Variants in TNFSF4 observed in about 807,000 individuals in gnomAD.
TNFSF4 encodes the protein TNF superfamily member 4, also known as tumor necrosis factor ligand superfamily member 4.
TNFSF4 carries 4 observed loss-of-function variants against 7.3 expected under a neutral mutation model. The ratio of observed to expected loss-of-function variants is 0.55; its 90% CI spans 0.27 to 1.25. The LOEUF is 1.25. TNFSF4 is among the 50% of genes most tolerant of loss of function. TNFSF4 has a pLI of 0.12. For missense variants in TNFSF4, 181 were observed against 208.8 expected (o/e 0.87, Z 0.82); for synonymous variants, 76 against 83.7 (o/e 0.91, Z 0.50).
At chr1:173,215,265 C>A in the TNFSF4 span, among the ~76,000 whole-genome samples, 1 of 152,196 alleles carries the variant, frequency 6.6e-6, no homozygotes, top group East Asian at 1.9e-4. Context: ...GCCTCCAGAA[C>A]TGTGAGAAAA....
the TNFSF4 span, among the ~76,000 whole-genome samples, chr1:173,253,080 A>G: frequency 6.6e-6 from 1 of 152,038 alleles, no homozygotes; most frequent in East Asian, 1.9e-4. Context: ...TTTTTGGCTG[A>G]CCCTTCAATT....
At chr1:173,398,433 TTC>T in the TNFSF4 span, among the ~76,000 whole-genome samples, 6 of 121,108 alleles carry the variant, frequency 5.0e-5, no homozygotes, top group East Asian at 1.3e-3. Flanking sequence ...TTTTTTTTTG[TTC>T]TCTTTTTGAG....
the TNFSF4 span, among the ~76,000 whole-genome samples, chr1:173,450,362 G>C: frequency 6.6e-6 from 1 of 152,038 alleles, no homozygotes; most frequent in Non-Finnish European, 1.5e-5. Context: ...CATTGTGGAA[G>C]AAATAATAAT....
chr1:173,266,104 G>A, the TNFSF4 span, among the ~76,000 whole-genome samples: 1 of 152,166 alleles, frequency 6.6e-6, no homozygotes, highest in Non-Finnish European at 1.5e-5. Context: ...TGTAAAGAGT[G>A]TGCAAGAGTA....
the TNFSF4 span, among the ~76,000 whole-genome samples, chr1:173,319,407 G>A: frequency 6.6e-6 from 1 of 152,196 alleles, no homozygotes; most frequent in Non-Finnish European, 1.5e-5. Context: ...GTGGCTGTGG[G>A]CACAGCTTCA....
chr1:173,429,394 T>A, the TNFSF4 span, among the ~76,000 whole-genome samples: 2 of 152,278 alleles, frequency 1.3e-5, no homozygotes, highest in Non-Finnish European at 2.9e-5. Context: ...CCAGAATTCT[T>A]GTAGCATCTG....
At chr1:173,293,520 A>G in the TNFSF4 span, among the ~76,000 whole-genome samples, 1 of 152,170 alleles carries the variant, frequency 6.6e-6, no homozygotes, top group African/African-American at 2.4e-5. Flanking sequence ...AAATCCTAGA[A>G]GAAAACCTAG....
At chr1:173,418,802 A>G in the TNFSF4 span, among the ~76,000 whole-genome samples, 3 of 152,154 alleles carry the variant, frequency 2.0e-5, no homozygotes, top group Admixed American at 1.3e-4. Context: ...TTACATGTAA[A>G]CAGAGATCCC....
the TNFSF4 span, among the ~76,000 whole-genome samples, chr1:173,272,706 C>G: frequency 3.9e-5 from 6 of 152,218 alleles, no homozygotes; most frequent in South Asian, 1.2e-3. Context: ...GCAAAATACC[C>G]TGAGTGTTCC....
At chr1:173,256,782 C>T in the TNFSF4 span, among the ~76,000 whole-genome samples, 3 of 152,316 alleles carry the variant, frequency 2.0e-5, no homozygotes, top group African/African-American at 7.2e-5. Context: ...TTGGGGAAGA[C>T]CCTTGAAGTG....
chr1:173,256,344 C>T, the TNFSF4 span, among the ~76,000 whole-genome samples: 1 of 152,134 alleles, frequency 6.6e-6, no homozygotes, highest in Admixed American at 6.5e-5. Context: ...TTCCAGGGCC[C>T]TCTTCCTGGC....
the TNFSF4 span, among the ~76,000 whole-genome samples, chr1:173,295,431 G>A: frequency 2.6e-5 from 4 of 152,004 alleles, no homozygotes; most frequent in African/African-American, 9.7e-5. Flanking sequence ...TCAAAGAAGT[G>A]CCCCAGGATC....
At chr1:173,267,486 T>C in the TNFSF4 span, among the ~76,000 whole-genome samples, 2 of 152,194 alleles carry the variant, frequency 1.3e-5, no homozygotes, top group East Asian at 1.9e-4. Context: ...GTATGTGTGA[T>C]AGTAATTACC....
the TNFSF4 span, among the ~76,000 whole-genome samples, chr1:173,391,065 G>T: frequency 6.6e-6 from 1 of 151,882 alleles, no homozygotes; most frequent in African/African-American, 2.4e-5. Flanking sequence ...CTTCTTTTAT[G>T]AAAAACTATA....
the TNFSF4 span, among the ~76,000 whole-genome samples, chr1:173,300,271 C>T: frequency 1.3e-4 from 20 of 151,842 alleles, no homozygotes; most frequent in Non-Finnish European, 1.8e-4. Context: ...AGTCCTTCCT[C>T]TTTGGCCTAC....
At chr1:173,419,198 C>T in the TNFSF4 span, among the ~76,000 whole-genome samples, 7 of 152,008 alleles carry the variant, frequency 4.6e-5, no homozygotes, top group South Asian at 2.1e-4. Flanking sequence ...AAAAATTAGC[C>T]GGGTGTGGTG....
the TNFSF4 span, among the ~76,000 whole-genome samples, chr1:173,367,406 G>A: frequency 5.3e-5 from 8 of 152,128 alleles, no homozygotes; most frequent in East Asian, 3.9e-4. Flanking sequence ...GCAAGATCAC[G>A]TAGTAATAAT....
At chr1:173,238,916 G>A in the TNFSF4 span, among the ~76,000 whole-genome samples, 12 of 152,236 alleles carry the variant, frequency 7.9e-5, no homozygotes, top group Non-Finnish European at 1.6e-4. Flanking sequence ...TAAGACCTCA[G>A]GGGGATAGAG....
the TNFSF4 span, among the ~76,000 whole-genome samples, chr1:173,245,266 T>C: frequency 3.7e-3 from 560 of 152,350 alleles, 6 homozygotes; most frequent in Non-Finnish European, 4.2e-3. Context: ...TGTGGTTTTA[T>C]AGATAAAAAA....
Sources: allele counts gnomAD v4.1 joint callset (sites outside exome capture counted in the v4.1 genomes callset), GRCh38; gene constraint gnomAD v4.1.1; transcripts MANE v1.5; gene names NCBI Gene and HGNC (gene_info 2026-07-23, HGNC 2026-07-21).